ARHGAP21: variants seen among roughly 807,000 people sequenced by gnomAD.
ARHGAP21 encodes the protein Rho GTPase activating protein 21.
In ARHGAP21, 38 loss-of-function variants were observed where a neutral mutation model predicts 164.6. The observed-to-expected ratio is 0.23, with a 90% confidence interval of 0.18 to 0.30. The LOEUF (loss-of-function observed/expected upper bound fraction) is 0.30, where lower values mean the gene tolerates loss of function less well. Ranked by LOEUF, ARHGAP21 falls within the 10% of genes least tolerant of loss-of-function variation. The probability of loss-of-function intolerance (pLI) is 1.00; values close to 1 mark genes in which losing one functional copy is unlikely to be tolerated. For missense variants in ARHGAP21, 1,822 were observed against 2,370.7 expected (o/e 0.77, Z 4.81); for synonymous variants, 766 against 857.9 (o/e 0.89, Z 1.87).
intron 24 of ARHGAP21, 181 bp downstream of exon 24, chr10:24,591,044 T>C (rs188936110): frequency 1.8e-6 from 1 of 566,670 alleles, no homozygotes; most frequent in Non-Finnish European, 2.2e-6. Context: ...CCAATGGCAT[T>C]AGAGTCACTG....
chr10:24,634,983 C>T (rs375422823), intron 5 of ARHGAP21, 28 bp downstream of exon 5: 34 of 1,402,334 alleles, frequency 2.4e-5, no homozygotes, highest in South Asian at 4.6e-5. Flanking sequence ...GAAATTAAAA[C>T]GTATTGTTTA....
Position 24,591,289 on chromosome 10 carries a change from C to T in ARHGAP21, c.4086G>A (p.Val1362=). ...QEESTVDSQP[V]PNIDHLLTNI... Reference sequence around the variant, plus strand: ...TGGTGAGTAAATGATCTATGTTTGGCACTGGCTGGGAGTCTACTGTGCTTT... The same window carrying T: ...TGGTGAGTAAATGATCTATGTTTGGTACTGGCTGGGAGTCTACTGTGCTTT... The change falls in exon 24 of 26, where the codon GTG becomes GTA. Residue 1362 remains valine (V), a synonymous_variant. Transcript: ENST00000396432. 12 of 1,613,130 alleles carry T rather than the reference C, an allele frequency of 7.4e-6. No individual in the cohort carries two copies. Among genetic ancestry groups the T allele is most frequent in the South Asian group, 1.1e-5 (1 of 91,014 alleles).
intron 2 of ARHGAP21, among the ~76,000 whole-genome samples, chr10:24,685,169 TG>T (rs1336307087): frequency 6.6e-6 from 1 of 152,188 alleles, no homozygotes; most frequent in Non-Finnish European, 1.5e-5. Flanking sequence ...TATTCAAATT[TG>T]TTTGTTTTTT....
In ARHGAP21 at chr10:24,666,959, G is replaced by T. The variant is rs375193670; in HGVS notation, c.268+26C>A. On this transcript the variant is annotated intron_variant, in intron 4 of 25. Transcript: ENST00000396432. ...AGAAATGGGTAGAAAAACATTCAGA[G>T]ATAAATTAAAATGTTTATAGCATAC... The T allele has an allele frequency of 9.2e-6, 13 of 1,414,418 alleles. No homozygotes were observed. The African/African-American group carries it at 1.4e-4, about 16-fold the overall frequency. The allele number at this position is 1,414,418 out of a possible 1,614,324, so 87.6% of individuals were successfully genotyped here. A position where few individuals can be genotyped will look rare whatever the true frequency, so the allele number is the denominator to read the frequency against.
chr10:24,670,449 C>A, intron 2 of ARHGAP21, 52 bp from the exon 3 acceptor site: 1 of 1,250,966 alleles, frequency 8.0e-7, no homozygotes, highest in South Asian at 2.3e-5. Context: ...TATACTTCCT[C>A]ATCTAAAAAA....
At chr10:24,592,825 A>T (rs188204968) in intron 21 of ARHGAP21, among the ~76,000 whole-genome samples, 10 of 152,242 alleles carry the variant, frequency 6.6e-5, no homozygotes, top group African/African-American at 1.7e-4. Flanking sequence ...AAGGTTATAG[A>T]TTTTTCCCTC....
intron 2 of ARHGAP21, among the ~76,000 whole-genome samples, chr10:24,708,732 T>C (rs1447187666): frequency 6.6e-6 from 1 of 152,228 alleles, no homozygotes; most frequent in Non-Finnish European, 1.5e-5. Flanking sequence ...TCCAGTTCCA[T>C]CCACATTGCT....
At chr10:24,622,470 ATATATATATATATATAC>A (rs1834670101) in intron 8 of ARHGAP21, among the ~76,000 whole-genome samples, 2 of 123,324 alleles carry the variant, frequency 1.6e-5, no homozygotes, top group Admixed American at 8.0e-5. Flanking sequence ...ATATATATAT[ATATATATATATATATAC>A]TGATGCAGAT....
intron 4 of ARHGAP21, among the ~76,000 whole-genome samples, chr10:24,643,170 G>A (rs931037852): frequency 1.3e-5 from 2 of 152,130 alleles, no homozygotes; most frequent in Non-Finnish European, 2.9e-5. Flanking sequence ...AATATTTACC[G>A]AGCTCTTACA....
chr10:24,704,000 A>C (rs1476845191), intron 2 of ARHGAP21, among the ~76,000 whole-genome samples: 1 of 152,256 alleles, frequency 6.6e-6, no homozygotes, highest in Non-Finnish European at 1.5e-5. Context: ...ACACGTTAAC[A>C]TGAAAATTCA....
At chr10:24,680,441 T>C (rs1841659839) in intron 2 of ARHGAP21, among the ~76,000 whole-genome samples, 1 of 152,200 alleles carries the variant, frequency 6.6e-6, no homozygotes, top group South Asian at 2.1e-4. Flanking sequence ...TCTTGGATCA[T>C]GGTTACATGC....
chr10:24,653,826 A>C (rs963120989), intron 4 of ARHGAP21, among the ~76,000 whole-genome samples: 6 of 152,208 alleles, frequency 3.9e-5, no homozygotes, highest in Non-Finnish European at 8.8e-5. Context: ...TTTAACAACA[A>C]GAGCATGAGC....
chr10:24,627,366 C>G (rs1044135086), intron 7 of ARHGAP21, among the ~76,000 whole-genome samples: 16 of 152,066 alleles, frequency 1.1e-4, no homozygotes, highest in Non-Finnish European at 2.4e-4. Flanking sequence ...TTCTGAAGTA[C>G]ATTAAAGAAC....
In ARHGAP21 at chr10:24,670,360, G is replaced by A; in HGVS notation, c.101C>T (p.Thr34Ile). 6.3e-7 allele frequency: 1 copy of A among 1,599,016 alleles called. No individual in the cohort carries two copies. Among genetic ancestry groups the A allele is most frequent in the South Asian group, 1.1e-5 (1 of 87,626 alleles). The change falls in exon 3 of 26, where the codon ACT becomes ATT. Residue 34 changes from threonine (T) to isoleucine (I), a missense_variant. Physicochemically the swap from Thr to Ile is moderately conservative, Grantham distance 89. Coordinates refer to ENST00000396432, the MANE Select transcript of ARHGAP21 (RefSeq NM_020824.4). ...KNKDGKEQSE[T>I]VSLSEDETFS... ...TGTTTCATCTTCAGACAGTGATACAGTTTCACTTTGTTCTTTTCCATCTTT... is the reference window on the plus strand; with the variant it reads ...TGTTTCATCTTCAGACAGTGATACAATTTCACTTTGTTCTTTTCCATCTTT...
chr10:24,700,855 T>A (rs931537643), intron 2 of ARHGAP21, among the ~76,000 whole-genome samples: 3 of 152,214 alleles, frequency 2.0e-5, no homozygotes, highest in Non-Finnish European at 4.4e-5. Context: ...CACCTGACGA[T>A]CTTGTTAAAC....
chr10:24,717,202 G>C (rs1845471082), intron 2 of ARHGAP21, among the ~76,000 whole-genome samples: 1 of 152,222 alleles, frequency 6.6e-6, no homozygotes, highest in Admixed American at 6.5e-5. Context: ...ACCTCAAAGA[G>C]ACAGAAGGAG....
intron 2 of ARHGAP21, among the ~76,000 whole-genome samples, chr10:24,680,828 A>G (rs1003898896): frequency 2.0e-5 from 3 of 152,200 alleles, no homozygotes; most frequent in Admixed American, 6.5e-5. Flanking sequence ...CCTAAGAAAT[A>G]TCCCTCTACA....
intron 11 of ARHGAP21, among the ~76,000 whole-genome samples, chr10:24,604,827 C>T (rs1474245127): frequency 6.6e-6 from 1 of 152,142 alleles, no homozygotes; most frequent in East Asian, 1.9e-4. Flanking sequence ...ACAGACAGTC[C>T]TGGCCCTTCA....
intron 7 of ARHGAP21, chr10:24,628,894 C>CATATATACACATAT: frequency 1.1e-5 from 1 of 87,012 alleles, no homozygotes; most frequent in African/African-American, 4.3e-5. Flanking sequence ...CATATATATA[C>CATATATACACATAT]ATACATATAT....
Sources: gnomAD v4.1 joint callset for allele counts (sites outside exome capture counted in the v4.1 genomes callset) on GRCh38, gnomAD v4.1.1 for gene constraint, MANE v1.5 for transcripts, NCBI Gene and HGNC (gene_info 2026-07-23, HGNC 2026-07-21) for gene names.